Variants in VAV2 observed in about 807,000 individuals in gnomAD.
VAV2 encodes guanine nucleotide exchange factor VAV2.
VAV2 carries 67 observed loss-of-function variants against 132.5 expected under a neutral mutation model. The ratio of observed to expected loss-of-function variants is 0.51; its 90% CI spans 0.42 to 0.62. The LOEUF (loss-of-function observed/expected upper bound fraction) is 0.62. VAV2 is among the 20% of genes least tolerant of loss of function. The pLI is 0.00. For missense variants in VAV2, 938 were observed against 1,153.6 expected (o/e 0.81, Z 2.71); for synonymous variants, 492 against 443.5 (o/e 1.11, Z -1.37).
chr9:133,903,037 T>C (rs1041847645), intron 2 of VAV2, among the ~76,000 whole-genome samples: 28 of 142,180 alleles, frequency 2.0e-4, no homozygotes, highest in African/African-American at 6.7e-4. Context: ...ATCAGGCCAC[T>C]GCACTCCAGC....
At chr9:133,906,615 C>G (rs1373031094) in intron 2 of VAV2, among the ~76,000 whole-genome samples, 1 of 152,152 alleles carries the variant, frequency 6.6e-6, no homozygotes, top group East Asian at 1.9e-4. Flanking sequence ...TCAAGGCACC[C>G]CTGAGGCCAA....
rs1406532559 is a variant in VAV2 at position 133,879,776 on chromosome 9, T to C, written c.322-18344A>G. Among the ~76,000 whole-genome samples, 1 of 152,120 alleles carries C rather than the reference T, an allele frequency of 6.6e-6. No homozygotes were observed. Among genetic ancestry groups the C allele is most frequent in the Admixed American group, 6.6e-5 (1 of 15,264 alleles). ...GTCCGATCTGTGCAATGTGAGCCCCTGCAGGAAAAAAGTCTAAAGTGATTT... is the reference window on the plus strand; with the variant it reads ...GTCCGATCTGTGCAATGTGAGCCCCCGCAGGAAAAAAGTCTAAAGTGATTT... On this transcript the variant is annotated intron_variant, in intron 2 of 29. Transcript: ENST00000371850. The surrounding 1 kb of genome is among the most constrained non-coding windows in gnomAD (Gnocchi z 4.4).
At chr9:133,878,264 C>T (rs531010462) in intron 2 of VAV2, among the ~76,000 whole-genome samples, 8 of 152,258 alleles carry the variant, frequency 5.3e-5, no homozygotes, top group African/African-American at 7.2e-5. Flanking sequence ...CCTCTGCGGC[C>T]GTAGGAGCCA....
intron 1 of VAV2, among the ~76,000 whole-genome samples, chr9:133,974,341 A>C (rs1276665262): frequency 6.6e-6 from 1 of 152,130 alleles, no homozygotes; most frequent in Non-Finnish European, 1.5e-5. Context: ...TGGTCCCAGA[A>C]CGGCCCACAG....
chr9:133,787,759 AGCCCTG>A (rs1184922260), intron 15 of VAV2, among the ~76,000 whole-genome samples: 1 of 152,048 alleles, frequency 6.6e-6, no homozygotes, highest in Non-Finnish European at 1.5e-5. Context: ...CCGTCCCTGT[AGCCCTG>A]GCCCCACCCG....
chr9:133,789,054 C>T lies in VAV2; in HGVS notation c.1274+204G>A, dbSNP rs182937930. ...CCCCAGCCCAGCCTGGTGCCCGCCA[C>T]AGGCACAAAAGCCCCACTGCTGTGG... On this transcript the variant is annotated intron_variant, in intron 14 of 29. Transcript: ENST00000371850. Among the ~76,000 whole-genome samples, 1,163 of 152,358 alleles carry T rather than the reference C, an allele frequency of 7.6e-3. 27 individuals carry two copies. Among genetic ancestry groups the T allele is most frequent in the Admixed American group, 0.043 (658 of 15,312 alleles).
At chr9:133,894,227 C>G (rs796293558) in intron 2 of VAV2, among the ~76,000 whole-genome samples, 7 of 152,380 alleles carry the variant, frequency 4.6e-5, no homozygotes, top group African/African-American at 1.4e-4. Context: ...CAGGGTTCCA[C>G]CCTTTCCCAA....
rs1839933640 is a variant in VAV2, at chr9:133,912,916, A to G, written c.321+26187T>C. On this transcript the variant is annotated intron_variant, in intron 2 of 29. Transcript: ENST00000371850. The surrounding 1 kb of genome is among the most constrained non-coding windows in gnomAD (Gnocchi z 4.3). ...GCTCCTGATCCTGGTGACTTTAAGG[A>G]GGAAAATCCAACTTCAGCCAGCACA... Among the ~76,000 whole-genome samples, 2 of 152,280 alleles carry G rather than the reference A, an allele frequency of 1.3e-5. No individual in the cohort carries two copies. The highest frequency in any genetic ancestry group is 4.8e-5 in the African/African-American group (2 of 41,544).
At chr9:133,908,286 C>G (rs894850937) in intron 2 of VAV2, among the ~76,000 whole-genome samples, 1 of 152,168 alleles carries the variant, frequency 6.6e-6, no homozygotes, top group African/African-American at 2.4e-5. Flanking sequence ...GGACCCGCAG[C>G]AGGAAAAGAC....
At chr9:133,914,635 G>T in intron 2 of VAV2, among the ~76,000 whole-genome samples, 1 of 72,364 alleles carries the variant, frequency 1.4e-5, no homozygotes, top group Non-Finnish European at 2.8e-5. Context: ...GGGAGAGGAG[G>T]GGAGGAAGCA....
At chr9:133,795,821 A>C in intron 11 of VAV2, 85 bp from the exon 12 acceptor site, 2 of 1,487,660 alleles carry the variant, frequency 1.3e-6, no homozygotes, top group Non-Finnish European at 1.9e-6. Flanking sequence ...GGAGGTGTGC[A>C]CAGAACCAAG....
chr9:133,908,480 C>T (rs1331448769), intron 2 of VAV2, among the ~76,000 whole-genome samples: 2 of 151,898 alleles, frequency 1.3e-5, no homozygotes, highest in East Asian at 1.9e-4. Context: ...TTCCCTGATG[C>T]CCCCAAGCCA....
At chr9:133,951,300 G>A (rs549689701) in intron 1 of VAV2, among the ~76,000 whole-genome samples, 8 of 152,320 alleles carry the variant, frequency 5.3e-5, no homozygotes, top group East Asian at 1.9e-4. Context: ...GGGCAACTAC[G>A]GGGGCTGGAG....
At chr9:133,808,939 C>T in intron 7 of VAV2, 101 bp downstream of exon 7, 7 of 1,092,170 alleles carry the variant, frequency 6.4e-6, no homozygotes, top group Non-Finnish European at 6.6e-6. Context: ...GTCAGAGAGG[C>T]CCTATGGCCC....
At chr9:133,771,733 C>G (rs1209006174) in intron 26 of VAV2, among the ~76,000 whole-genome samples, 1 of 152,182 alleles carries the variant, frequency 6.6e-6, no homozygotes, top group Non-Finnish European at 1.5e-5. Flanking sequence ...GCACTGTTTA[C>G]CAGGGTCAAC....
At chr9:133,852,287 T>C (rs574603747) in intron 3 of VAV2, among the ~76,000 whole-genome samples, 66 of 151,162 alleles carry the variant, frequency 4.4e-4, no homozygotes, top group African/African-American at 1.5e-3. Flanking sequence ...GATGAAAGAA[T>C]GGACAGGCAG....
intron 2 of VAV2, among the ~76,000 whole-genome samples, chr9:133,872,179 C>T (rs1389456270): frequency 6.8e-6 from 1 of 147,524 alleles, no homozygotes; most frequent in East Asian, 1.9e-4. Context: ...GGAGACTGAT[C>T]GTATGTGAAC....
intron 9 of VAV2, among the ~76,000 whole-genome samples, chr9:133,798,167 A>T (rs1834796494): frequency 6.6e-6 from 1 of 152,108 alleles, no homozygotes; most frequent in African/African-American, 2.4e-5. Context: ...ACATCCCCCC[A>T]GGAAAGAAGA....
chr9:133,798,551 CT>C (rs1834811320), intron 9 of VAV2, among the ~76,000 whole-genome samples: 2 of 152,250 alleles, frequency 1.3e-5, no homozygotes, highest in Admixed American at 1.3e-4. Context: ...TCTCTACAAA[CT>C]GGAACCCAGG....
Sources: gnomAD v4.1 joint callset for allele counts (sites outside exome capture counted in the v4.1 genomes callset) on GRCh38, gnomAD v4.1.1 for gene constraint, Gnocchi (gnomAD v3.1) non-coding constraint, MANE v1.5 for transcripts, NCBI Gene and HGNC (gene_info 2026-07-23, HGNC 2026-07-21) for gene names.